Variants in DLG1 observed in about 807,000 individuals in gnomAD.
DLG1 encodes the protein discs large MAGUK scaffold protein 1.
In DLG1, 42 loss-of-function variants were observed where a neutral mutation model predicts 123.4. That is an observed-to-expected ratio of 0.34 (90% CI 0.27 to 0.44). The LOEUF (loss-of-function observed/expected upper bound fraction) is 0.44. DLG1 is among the 20% of genes least tolerant of loss of function. DLG1 has a pLI of 1.00. For synonymous variants in DLG1, 317 were observed against 356.2 expected, an observed-to-expected ratio of 0.89 and a Z score of 1.24; for missense variants, 942 against 1,082.6, an observed-to-expected ratio of 0.87 and a Z score of 1.82.
intron 3 of DLG1, among the ~76,000 whole-genome samples, chr3:197,286,110 C>A (rs1156448728): frequency 1.3e-5 from 2 of 152,014 alleles, no homozygotes; most frequent in African/African-American, 4.8e-5. Context: ...CTGAAAAAAG[C>A]CAATCTAAAA....
At chr3:197,107,552 A>G (rs1191878172) in intron 13 of DLG1, among the ~76,000 whole-genome samples, 1 of 151,976 alleles carries the variant, frequency 6.6e-6, no homozygotes, top group Non-Finnish European at 1.5e-5. Flanking sequence ...CTCAAGAACA[A>G]AAAACAAAAA....
intron 4 of DLG1, among the ~76,000 whole-genome samples, chr3:197,272,900 C>G (rs987301534): frequency 6.6e-6 from 1 of 152,076 alleles, no homozygotes; most frequent in Non-Finnish European, 1.5e-5. Context: ...CTTTTTTAAA[C>G]TGAGATAAAA....
At chr3:197,288,378 A>AG (rs1553826419) in intron 3 of DLG1, among the ~76,000 whole-genome samples, 7 of 149,566 alleles carry the variant, frequency 4.7e-5, no homozygotes, top group South Asian at 2.1e-4. Flanking sequence ...AAAAAAAAAA[A>AG]AAAAGAAAAG....
chr3:197,053,774 T>TAAAAAA (rs35792548), intron 23 of DLG1, among the ~76,000 whole-genome samples: 1 of 97,312 alleles, frequency 1.0e-5, no homozygotes, highest in Non-Finnish European at 2.1e-5. Flanking sequence ...CCCTGTCTCA[T>TAAAAAA]AAAAAAAAAA....
Position 197,262,004 on chromosome 3 carries a change from T to C in DLG1, c.318+20675A>G, listed in dbSNP as rs60462557. On this transcript the variant is annotated intron_variant, in intron 4 of 24. Transcript: ENST00000667157. ...ATCTATTGTGGTATAATATGAAATA[T>C]ATTCGGTCTTTGTTTCTGTCAGAGT... is the stretch of plus-strand genomic sequence containing the variant. Among the ~76,000 whole-genome samples, 152 of 152,338 alleles carry C rather than the reference T, an allele frequency of 1.0e-3. 7 individuals are homozygous for C. The East Asian group carries it at 0.026, about 26-fold the overall frequency.
chr3:197,280,481 G>GAT (rs1416553860), intron 4 of DLG1, among the ~76,000 whole-genome samples: 1 of 152,072 alleles, frequency 6.6e-6, no homozygotes, highest in Non-Finnish European at 1.5e-5. Context: ...TTGATATTCT[G>GAT]ATATCCTTTC....
At position 197,101,631 on chromosome 3, in the gene DLG1, T is replaced by C. The variant is rs189657883; in HGVS notation, c.1546+3272A>G. On this transcript the variant is annotated intron_variant, in intron 14 of 24. Coordinates refer to ENST00000667157, the MANE Select transcript of DLG1 (RefSeq NM_001366207.1). ...GTCTCTATCTCCTGACCTCGTGATC[T>C]GCCCGCCTAGGCCTCCCAAAATGCT... Among the ~76,000 whole-genome samples, 787 of 152,230 alleles carry C rather than the reference T, an allele frequency of 5.2e-3. 7 individuals carry two copies. Among genetic ancestry groups the C allele is most frequent in the African/African-American group, 0.018 (742 of 41,542 alleles).
At chr3:197,092,988 C>A (rs1210143656) in intron 14 of DLG1, among the ~76,000 whole-genome samples, 1 of 152,064 alleles carries the variant, frequency 6.6e-6, no homozygotes, top group Non-Finnish European at 1.5e-5. Flanking sequence ...ATTTAAAAGT[C>A]CAGCTTCTAT....
chr3:197,094,856 A>T (rs961683930), intron 14 of DLG1, among the ~76,000 whole-genome samples: 1 of 152,210 alleles, frequency 6.6e-6, no homozygotes, highest in Non-Finnish European at 1.5e-5. Flanking sequence ...TAAACTGAGA[A>T]CAACGGAATT....
chr3:197,107,681 GC>G (rs1767362608), intron 13 of DLG1, among the ~76,000 whole-genome samples: 1 of 151,470 alleles, frequency 6.6e-6, no homozygotes, highest in Non-Finnish European at 1.5e-5. Context: ...TGTCTATCCT[GC>G]AAATTTAACT....
chr3:197,160,152 A>G (rs1288730783), intron 5 of DLG1, among the ~76,000 whole-genome samples: 2 of 152,202 alleles, frequency 1.3e-5, no homozygotes, highest in South Asian at 4.1e-4. Flanking sequence ...GTGTATTTTT[A>G]TAAGACTATG....
At chr3:197,115,200 T>C (rs919826234) in intron 13 of DLG1, among the ~76,000 whole-genome samples, 6 of 151,958 alleles carry the variant, frequency 3.9e-5, no homozygotes, top group Non-Finnish European at 7.4e-5. Flanking sequence ...GGTATAAACA[T>C]GAAACAGAAG....
chr3:197,286,894 C>CT (rs71795718), intron 3 of DLG1, among the ~76,000 whole-genome samples: 2,666 of 143,518 alleles, frequency 0.019, 30 homozygotes, highest in South Asian at 0.024. Flanking sequence ...GAGCTCAGGC[C>CT]TTTTTTTTTT....
intron 4 of DLG1, among the ~76,000 whole-genome samples, chr3:197,250,363 T>A (rs1407041773): frequency 6.6e-6 from 1 of 150,904 alleles, no homozygotes; most frequent in African/African-American, 2.4e-5. Context: ...AGGTCAGGAG[T>A]TCGAGACCAG....
At chr3:197,181,965 C>T (rs1204068638) in intron 5 of DLG1, among the ~76,000 whole-genome samples, 1 of 152,280 alleles carries the variant, frequency 6.6e-6, no homozygotes, top group South Asian at 2.1e-4. Flanking sequence ...CGTTCTGCTC[C>T]TACTCCCAAG....
At chr3:197,160,269 T>C (rs1247780032) in intron 5 of DLG1, among the ~76,000 whole-genome samples, 1 of 151,676 alleles carries the variant, frequency 6.6e-6, no homozygotes, top group African/African-American at 2.4e-5. Context: ...CAAATGAATA[T>C]AAAGAGACTG....
chr3:197,139,001 A>T (rs1553949586), intron 8 of DLG1, among the ~76,000 whole-genome samples: 1 of 151,920 alleles, frequency 6.6e-6, no homozygotes, highest in Non-Finnish European at 1.5e-5. Flanking sequence ...ATTCCAACCT[A>T]TATATTAGAC....
chr3:197,297,842 C>T (rs938576261), intron 1 of DLG1: 25 of 985,216 alleles, frequency 2.5e-5, no homozygotes, highest in South Asian at 4.7e-5. Context: ...GGGGTGCGCC[C>T]CGGCCAGACT....
chr3:197,067,550 A>AATT (rs1740454091), intron 19 of DLG1, among the ~76,000 whole-genome samples: 1 of 92,714 alleles, frequency 1.1e-5, no homozygotes, highest in African/African-American at 4.9e-5. Flanking sequence ...AAACTCTGAG[A>AATT]GTTTTTTTTT....
Sources: allele counts gnomAD v4.1 joint callset (sites outside exome capture counted in the v4.1 genomes callset), GRCh38; gene constraint gnomAD v4.1.1; transcripts MANE v1.5; gene names NCBI Gene and HGNC (gene_info 2026-07-23, HGNC 2026-07-21).